The following ZNF79 variants were observed in gnomAD, a reference collection of about 807,000 sequenced individuals.
The protein encoded by ZNF79 is ZNFpT7.
ZNF79 carries 13 observed loss-of-function variants against 14.9 expected under a neutral mutation model. The ratio of observed to expected loss-of-function variants is 0.87; its 90% confidence interval spans 0.57 to 1.38. The LOEUF is 1.38. ZNF79 is among the 40% of genes most tolerant of loss of function. ZNF79 has a pLI of 0.00. For missense variants in ZNF79, 631 were observed against 630.6 expected (o/e 1.00, Z -0.01); for synonymous variants, 223 against 235.1 (o/e 0.95, Z 0.47).
At position 127,444,205 on chromosome 9, in the gene ZNF79, C is replaced by A; in HGVS notation, c.505C>A (p.Pro169Thr). 6.2e-7 allele frequency: 1 copy of A among 1,614,070 alleles called. No individual in the cohort carries two copies. The highest frequency in any genetic ancestry group is 8.5e-7 in the Non-Finnish European group (1 of 1,180,036). ...PQQRVPVEAR[P>T]RKCETHTESF... ...ACAGAGAGTGCCCGTGGAAGCGAGA[C>A]CTCGCAAATGTGAGACACACACCGA... is the stretch of plus-strand genomic sequence containing the variant. Residue 169 changes from proline to threonine, a missense_variant, in exon 5 of 5, where the codon CCT becomes ACT. Physicochemically the swap from Pro to Thr is conservative, Grantham distance 38. Coordinates refer to ENST00000342483, the MANE Select transcript of ZNF79 (RefSeq NM_007135.3).
chr9:127,445,044 T>G lies in ZNF79; in HGVS notation c.1344T>G (p.Asn448Lys). Residue 448 changes from asparagine (N) to lysine (K), a missense_variant, in exon 5 of 5, where the codon AAT becomes AAG. Transcript: ENST00000342483. The part of the protein sequence containing the change: ...IHTGEKPYEC[N>K]ECGKAFNQSS... ...CCGGAGAAAAACCTTATGAGTGTAA[T>G]GAGTGTGGTAAAGCGTTTAACCAGA... 2 of 1,613,878 alleles carry G rather than the reference T, an allele frequency of 1.2e-6. No homozygotes were observed. The highest frequency in any genetic ancestry group is 1.7e-6 in the Non-Finnish European group (2 of 1,179,988).
intron 2 of ZNF79, among the ~76,000 whole-genome samples, chr9:127,434,102 C>T (rs1205671768): frequency 6.6e-6 from 1 of 152,196 alleles, no homozygotes; most frequent in Non-Finnish European, 1.5e-5. Flanking sequence ...AAACTGCCTG[C>T]CATTTCCTAA....
chr9:127,430,427 C>T (rs1833840135), intron 2 of ZNF79, among the ~76,000 whole-genome samples: 2 of 152,136 alleles, frequency 1.3e-5, no homozygotes, highest in African/African-American at 2.4e-5. Context: ...TTCCTCTCTC[C>T]TCCCTCTAGT....
At chr9:127,442,341 CA>C (rs1489161786) in intron 4 of ZNF79, among the ~76,000 whole-genome samples, 2 of 149,778 alleles carry the variant, frequency 1.3e-5, no homozygotes, top group Non-Finnish European at 3.0e-5. Context: ...GCGAAGGTTG[CA>C]GTGAGCCAAG....
chr9:127,444,695 C>T lies in ZNF79; in HGVS notation c.995C>T (p.Pro332Leu). The T allele has an allele frequency of 3.7e-6, 6 of 1,613,996 alleles. No homozygotes were observed. Among genetic ancestry groups the T allele is most frequent in the Non-Finnish European group, 5.1e-6 (6 of 1,179,926 alleles). ...NHQRTHTGEKPYKCSECGKAF... is the reference protein window; with the variant it reads ...NHQRTHTGEKLYKCSECGKAF... ...CAGAGGACTCACACCGGGGAGAAGC[C>T]CTACAAGTGCAGCGAGTGTGGGAAG... Residue 332 changes from proline (P) to leucine (L), a missense_variant, in exon 5 of 5, where the codon CCC (proline) becomes CTC (leucine). Coordinates refer to ENST00000342483, the MANE Select transcript of ZNF79 (RefSeq NM_007135.3).
At chr9:127,429,011 T>C in intron 2 of ZNF79, 91 bp downstream of exon 2, 1 of 856,778 alleles carries the variant, frequency 1.2e-6, no homozygotes. Context: ...CATTGTTTGT[T>C]TTCTTTCTTT....
chr9:127,431,619 A>G (rs532080488), intron 2 of ZNF79, among the ~76,000 whole-genome samples: 19 of 152,188 alleles, frequency 1.2e-4, no homozygotes, highest in Admixed American at 6.5e-4. Flanking sequence ...TTTTGTTGCA[A>G]TTGCTTTTGA....
intron 2 of ZNF79, among the ~76,000 whole-genome samples, chr9:127,430,195 C>T (rs778525376): frequency 5.3e-5 from 8 of 152,182 alleles, no homozygotes; most frequent in Non-Finnish European, 8.8e-5. Flanking sequence ...TACCAGAATT[C>T]GATGAACATT....
chr9:127,425,710 A>G (rs1181542788), intron 1 of ZNF79, among the ~76,000 whole-genome samples: 1 of 152,212 alleles, frequency 6.6e-6, no homozygotes, highest in East Asian at 1.9e-4. Flanking sequence ...CTCCTGCCTC[A>G]GCCTCCTGAG....
At chr9:127,435,057 C>A in intron 2 of ZNF79, 33 bp from the exon 3 acceptor site, 1 of 1,591,988 alleles carries the variant, frequency 6.3e-7, no homozygotes. Context: ...ATCCTAAGGC[C>A]ACTGGCAAGA....
At chr9:127,430,187 C>G (rs929524936) in intron 2 of ZNF79, among the ~76,000 whole-genome samples, 2 of 152,210 alleles carry the variant, frequency 1.3e-5, no homozygotes, top group African/African-American at 4.8e-5. Context: ...TTTCCACTTA[C>G]CAGAATTCGA....
At position 127,444,772 on chromosome 9, in the gene ZNF79, G is replaced by A. The variant is rs1564239703; in HGVS notation, c.1072G>A (p.Glu358Lys). The change falls in exon 5 of 5, where the codon GAG becomes AAG. Residue 358 changes from glutamate (E) to lysine (K), a missense_variant. By Grantham distance (56) the Glu-to-Lys change is moderately conservative. Transcript: ENST00000342483. ...TCAGCACCAGAGGATTCACACCGGGGAGAAGCCCTACAGATGTGCCGCGTG... is the reference window on the plus strand; with the variant it reads ...TCAGCACCAGAGGATTCACACCGGGAAGAAGCCCTACAGATGTGCCGCGTG... ...FIQHQRIHTGEKPYRCAACGK... is the reference protein window; with the variant it reads ...FIQHQRIHTGKKPYRCAACGK... 6 of 1,609,260 alleles carry A rather than the reference G, an allele frequency of 3.7e-6. No homozygotes were observed. The highest frequency in any genetic ancestry group is 2.2e-5 in the East Asian group (1 of 44,844).
rs775036843 is a variant in ZNF79, at chr9:127,444,155, A to G, written c.455A>G (p.Asn152Ser). 3.2e-5 allele frequency: 52 copies of G among 1,613,768 alleles called. No individual in the cohort carries two copies. The highest frequency in any genetic ancestry group is 1.6e-4 in the Middle Eastern group (1 of 6,084). Residue 152 changes from asparagine to serine, a missense_variant, in exon 5 of 5, where the codon AAT becomes AGT. By Grantham distance (46) the Asn-to-Ser change is conservative. Coordinates refer to ENST00000342483, the MANE Select transcript of ZNF79 (RefSeq NM_007135.3). ...ACCAGTGACCTTGAGAAGAGCTTCA[A>G]TCTGAGACCAGTCCTCTCTCCGCAA... ...HGTSDLEKSF[N>S]LRPVLSPQQR...
chr9:127,428,892 C>T lies in ZNF79; in HGVS notation c.77C>T (p.Ala26Val). The change falls in exon 2 of 5, where the codon GCT (alanine) becomes GTT (valine). Residue 26 changes from alanine to valine, a missense_variant. Ala to Val is a moderately conservative substitution (Grantham distance 64, BLOSUM62 0). Coordinates refer to ENST00000342483, the MANE Select transcript of ZNF79 (RefSeq NM_007135.3). ...QEENTGEEGM[A>V]AGLLTAGPRG... Reference sequence around the variant, plus strand: ...GAAAACACAGGAGAGGAAGGAATGGCTGCTGGTCTCCTCACAGCTGGGCCC... The same window carrying T: ...GAAAACACAGGAGAGGAAGGAATGGTTGCTGGTCTCCTCACAGCTGGGCCC... 6.2e-7 allele frequency: 1 copy of T among 1,604,224 alleles called. No homozygotes were observed.
chr9:127,427,950 A>G (rs1027520271), intron 1 of ZNF79, among the ~76,000 whole-genome samples: 3 of 151,878 alleles, frequency 2.0e-5, no homozygotes, highest in African/African-American at 4.8e-5. Context: ...CAACCTCTCA[A>G]AGATGTATGG....
chr9:127,443,352 C>T (rs1001158167), intron 4 of ZNF79, among the ~76,000 whole-genome samples: 2 of 152,114 alleles, frequency 1.3e-5, no homozygotes, highest in African/African-American at 4.8e-5. Flanking sequence ...GAGGTTGAGG[C>T]TGCAGTGAGC....
chr9:127,428,201 G>A lies in ZNF79; in HGVS notation c.17-631G>A, dbSNP rs143632439. Among the ~76,000 whole-genome samples, 299 of 152,010 alleles carry A rather than the reference G, an allele frequency of 2.0e-3. 3 individuals are homozygous for A. The East Asian group carries it at 0.042, about 21-fold the overall frequency. ...TCGCCATGTTGCCCAGGCTGGTCTCGAACTCCTGGGCTCAAGCAGTCTGCC... is the reference window on the plus strand; with the variant it reads ...TCGCCATGTTGCCCAGGCTGGTCTCAAACTCCTGGGCTCAAGCAGTCTGCC... On this transcript the variant is annotated intron_variant, in intron 1 of 4. Coordinates refer to ENST00000342483, the MANE Select transcript of ZNF79 (RefSeq NM_007135.3).
intron 4 of ZNF79, among the ~76,000 whole-genome samples, chr9:127,441,907 T>C (rs922794843): frequency 3.4e-5 from 5 of 144,962 alleles, no homozygotes; most frequent in African/African-American, 1.3e-4. Flanking sequence ...ATTGTGCCAC[T>C]GCACTCCAGC....
chr9:127,429,038 T>A, intron 2 of ZNF79, 118 bp downstream of exon 2: 1 of 691,738 alleles, frequency 1.4e-6, no homozygotes, highest in South Asian at 2.7e-5. Flanking sequence ...TTTTTGAGAC[T>A]GAGTCTCACT....
Sources: allele counts gnomAD v4.1 joint callset (sites outside exome capture counted in the v4.1 genomes callset), GRCh38; gene constraint gnomAD v4.1.1; transcripts MANE v1.5; gene names NCBI Gene and HGNC (gene_info 2026-07-23, HGNC 2026-07-21).